The following FMN2 variants were observed in gnomAD, a reference collection of about 807,000 sequenced individuals.
The protein encoded by FMN2 is formin 2, also known as formin-2.
FMN2 carries 51 observed loss-of-function variants against 142.3 expected under a neutral mutation model. The observed-to-expected ratio is 0.36, with a 90% CI of 0.29 to 0.45. FMN2 has a LOEUF of 0.45. Among genes scored for constraint, FMN2 ranks in the 20% least tolerant of loss-of-function variants. FMN2 has a pLI of 1.00. For missense variants in FMN2, 1,936 were observed against 2,122.8 expected, an observed-to-expected ratio of 0.91 and a Z score of 1.73; for synonymous variants, 882 against 869.8, an observed-to-expected ratio of 1.01 and a Z score of -0.25.
At chr1:240,276,176 C>T (rs1364591199) in intron 7 of FMN2, among the ~76,000 whole-genome samples, 2 of 152,164 alleles carry the variant, frequency 1.3e-5, no homozygotes, top group African/African-American at 4.8e-5. Context: ...GTGAAGGGCC[C>T]ACCTGAGGTT....
intron 2 of FMN2, among the ~76,000 whole-genome samples, chr1:240,174,687 C>A (rs1664845270): frequency 6.6e-6 from 1 of 152,058 alleles, no homozygotes; most frequent in African/African-American, 2.4e-5. Flanking sequence ...TTTTCTTAAG[C>A]CATCACAGTA....
At chr1:240,417,987 C>T (rs1674634061) in intron 15 of FMN2, among the ~76,000 whole-genome samples, 1 of 151,988 alleles carries the variant, frequency 6.6e-6, no homozygotes, top group East Asian at 1.9e-4. Flanking sequence ...ATACACTTCA[C>T]CTTATAATCC....
At chr1:240,213,750 A>C (rs888664167) in intron 6 of FMN2, among the ~76,000 whole-genome samples, 1 of 152,206 alleles carries the variant, frequency 6.6e-6, no homozygotes, top group Non-Finnish European at 1.5e-5. Flanking sequence ...GTTTTTGTTT[A>C]AATATTTAAA....
At chr1:240,393,974 C>T (rs1228388294) in intron 15 of FMN2, among the ~76,000 whole-genome samples, 1 of 152,126 alleles carries the variant, frequency 6.6e-6, no homozygotes, top group East Asian at 1.9e-4. Flanking sequence ...GATGGGAGCT[C>T]AGTCTCAAAT....
chr1:240,270,947 T>A (rs1668982186), intron 7 of FMN2, among the ~76,000 whole-genome samples: 1 of 151,924 alleles, frequency 6.6e-6, no homozygotes, highest in South Asian at 2.1e-4. Context: ...CTATGGTTAA[T>A]AATAATGTAT....
In FMN2 at chr1:240,130,854, A is replaced by G. The variant is rs544541584; in HGVS notation, c.1782+7509A>G. ...AATTCTTTCTCTTCTAATTTAGGTC[A>G]GGTTCTTCGTATTTAATTATGACTT... On this transcript the variant is annotated intron_variant, in intron 2 of 17. Transcript: ENST00000319653. Among the ~76,000 whole-genome samples, 61 of 152,122 alleles carry G rather than the reference A, an allele frequency of 4.0e-4. 1 individual carries two copies. The highest frequency in any genetic ancestry group is 6.3e-4 in the Non-Finnish European group (43 of 68,016).
intron 2 of FMN2, chr1:240,171,325 C>T (rs1664693989): frequency 4.4e-6 from 3 of 677,708 alleles, no homozygotes; most frequent in East Asian, 2.6e-5. Context: ...TCCATCCTGT[C>T]GTGATGTGAT....
intron 2 of FMN2, chr1:240,142,660 T>A (rs1187623620): frequency 1.2e-6 from 2 of 1,603,746 alleles, no homozygotes; most frequent in Non-Finnish European, 1.7e-6. Context: ...GAGCCCCTGG[T>A]GGTCACTTAG....
intron 6 of FMN2, among the ~76,000 whole-genome samples, chr1:240,251,614 G>A (rs376091966): frequency 1.1e-4 from 16 of 152,248 alleles, no homozygotes; most frequent in African/African-American, 3.4e-4. Flanking sequence ...TTAAATCCTA[G>A]ATTTCTTTGT....
At chr1:240,454,676 T>C (rs1019101680) in intron 16 of FMN2, among the ~76,000 whole-genome samples, 12 of 152,180 alleles carry the variant, frequency 7.9e-5, no homozygotes, top group African/African-American at 1.2e-4. Flanking sequence ...CTTGTTCTTC[T>C]TAGTTAAGCA....
In FMN2 at chr1:240,342,100, C is replaced by A. The variant is rs779955626; in HGVS notation, c.4765+7871C>A. On this transcript the variant is annotated intron_variant, in intron 13 of 17. Transcript: ENST00000319653. Reference sequence around the variant, plus strand: ...CTCCACGATCATAGTTCGATGACTTCTACTTCCGCCCTGTTTATTAACTTT... The same window carrying A: ...CTCCACGATCATAGTTCGATGACTTATACTTCCGCCCTGTTTATTAACTTT... Among the ~76,000 whole-genome samples the A allele has an allele frequency of 4.6e-5, 7 of 152,304 alleles. No individual in the cohort carries two copies. The East Asian group carries it at 1.2e-3, about 25-fold the overall frequency.
chr1:240,409,327 A>G (rs1178965151), intron 15 of FMN2, among the ~76,000 whole-genome samples: 1 of 151,912 alleles, frequency 6.6e-6, no homozygotes, highest in Non-Finnish European at 1.5e-5. Flanking sequence ...TGTTTTTAGT[A>G]GAGATGGGGT....
intron 15 of FMN2, among the ~76,000 whole-genome samples, chr1:240,423,987 G>A (rs549522012): frequency 3.3e-5 from 5 of 152,204 alleles, no homozygotes; most frequent in Non-Finnish European, 5.9e-5. Flanking sequence ...GATCTGAATC[G>A]TGATGTTAGT....
At chr1:240,374,701 G>A (rs753884151) in intron 14 of FMN2, among the ~76,000 whole-genome samples, 15 of 152,130 alleles carry the variant, frequency 9.9e-5, no homozygotes, top group East Asian at 1.9e-4. Flanking sequence ...TGATCTAATC[G>A]GACCACTAAA....
At chr1:240,452,874 G>A (rs1676108266) in intron 16 of FMN2, among the ~76,000 whole-genome samples, 1 of 152,144 alleles carries the variant, frequency 6.6e-6, no homozygotes, top group Admixed American at 6.5e-5. Context: ...TACTGAGTAT[G>A]TACACAAGTT....
intron 6 of FMN2, among the ~76,000 whole-genome samples, chr1:240,244,051 T>C (rs1668000557): frequency 6.6e-6 from 1 of 152,248 alleles, no homozygotes; most frequent in African/African-American, 2.4e-5. Context: ...TCTGAGGTTC[T>C]GCTTTGAAAT....
intron 1 of FMN2, among the ~76,000 whole-genome samples, chr1:240,103,909 G>T (rs1661501155): frequency 6.6e-6 from 1 of 151,436 alleles, no homozygotes; most frequent in South Asian, 2.1e-4. Flanking sequence ...ACGGAGTCTT[G>T]CTCTATCCCC....
Position 240,257,952 on chromosome 1 carries a change from A to G in FMN2, c.4073A>G (p.Lys1358Arg), listed in dbSNP as rs1381584374. The G allele has an allele frequency of 1.2e-6, 2 of 1,612,908 alleles. No homozygotes were observed. Among genetic ancestry groups the G allele is most frequent in the South Asian group, 1.1e-5 (1 of 90,786 alleles). ...ACTTTCTTTCTCGAGCAGGTTGTCA[A>G]GTTATTAAGCAACAAAAGATCACAA... The part of the protein sequence containing the change: ...ISKTKAKQVV[K>R]LLSNKRSQAV... The change falls in exon 7 of 18, where the codon AAG (lysine) becomes AGG (arginine). Residue 1358 changes from lysine to arginine, a missense_variant. Lys to Arg is a conservative substitution (Grantham distance 26, BLOSUM62 2). Coordinates refer to ENST00000319653, the MANE Select transcript of FMN2 (RefSeq NM_020066.5).
chr1:240,242,822 T>C (rs1369409754), intron 6 of FMN2, among the ~76,000 whole-genome samples: 1 of 152,234 alleles, frequency 6.6e-6, no homozygotes, highest in African/African-American at 2.4e-5. Context: ...AGCAGGCTTC[T>C]AGATTCTTAA....
Sources: gnomAD v4.1 joint callset for allele counts (sites outside exome capture counted in the v4.1 genomes callset) on GRCh38, gnomAD v4.1.1 for gene constraint, MANE v1.5 for transcripts, NCBI Gene and HGNC (gene_info 2026-07-23, HGNC 2026-07-21) for gene names.